ROR1: variants seen among roughly 807,000 people sequenced by gnomAD.
ROR1 encodes inactive tyrosine-protein kinase transmembrane receptor ROR1.
Under a neutral mutation model 78.8 loss-of-function variants are expected in ROR1, and 19 were observed. That is an observed-to-expected ratio of 0.24 (90% CI 0.17 to 0.35). The LOEUF is 0.35. ROR1 is among the 10% of genes least tolerant of loss of function. ROR1 has a pLI of 1.00. For synonymous variants in ROR1, 386 were observed against 433.6 expected (o/e 0.89, Z 1.36); for missense variants, 917 against 1,177.8 (o/e 0.78, Z 3.24).
At chr1:64,125,647 C>T (rs1307728361) in intron 4 of ROR1, among the ~76,000 whole-genome samples, 4 of 152,066 alleles carry the variant, frequency 2.6e-5, no homozygotes, top group African/African-American at 7.2e-5. Context: ...GCCTTGGACC[C>T]GCCAGCCCCG....
chr1:63,954,501 G>A (rs1356219216), intron 1 of ROR1, among the ~76,000 whole-genome samples: 2 of 152,220 alleles, frequency 1.3e-5, no homozygotes, highest in Non-Finnish European at 2.9e-5. Flanking sequence ...CATAAGCAGT[G>A]TTAAATAAAG....
At chr1:63,887,884 C>G (rs1439011357) in intron 1 of ROR1, among the ~76,000 whole-genome samples, 1 of 152,152 alleles carries the variant, frequency 6.6e-6, no homozygotes, top group Non-Finnish European at 1.5e-5. Flanking sequence ...CTCTTCTGAA[C>G]ATTTTACTTC....
intron 1 of ROR1, among the ~76,000 whole-genome samples, chr1:63,796,963 T>C (rs2100247912): frequency 6.6e-6 from 1 of 152,326 alleles, no homozygotes; most frequent in Admixed American, 6.5e-5. Context: ...TGAAAGTGCT[T>C]TGATGAATTG....
intron 1 of ROR1, among the ~76,000 whole-genome samples, chr1:63,989,687 T>C (rs1418834898): frequency 6.6e-6 from 1 of 152,210 alleles, no homozygotes; most frequent in Non-Finnish European, 1.5e-5. Flanking sequence ...CACTCTGGTT[T>C]CCTTCAACTG....
intron 8 of ROR1, among the ~76,000 whole-genome samples, chr1:64,160,001 G>T (rs1200580855): frequency 1.3e-5 from 2 of 151,936 alleles, no homozygotes; most frequent in Non-Finnish European, 2.9e-5. Context: ...ACAATCCCAG[G>T]CCTCTCAGCA....
At chr1:63,869,756 G>C (rs1194365126) in intron 1 of ROR1, among the ~76,000 whole-genome samples, 1 of 152,232 alleles carries the variant, frequency 6.6e-6, no homozygotes, top group African/African-American at 2.4e-5. Context: ...CACTTGTTGA[G>C]CTCCTGGTAG....
At chr1:63,843,572 G>A in intron 1 of ROR1, 1 of 725,444 alleles carries the variant, frequency 1.4e-6, no homozygotes, top group South Asian at 1.3e-5. Context: ...CCTCACTAAG[G>A]CAGAAGAGCA....
chr1:63,841,274 G>A (rs1248910649), intron 1 of ROR1, among the ~76,000 whole-genome samples: 3 of 152,190 alleles, frequency 2.0e-5, no homozygotes, highest in African/African-American at 7.2e-5. Flanking sequence ...CTAAATTCCG[G>A]TCTGGTGTAT....
chr1:63,943,088 G>A lies in ROR1; in HGVS notation c.92-66217G>A, dbSNP rs1234212108. Among the ~76,000 whole-genome samples the A allele has an allele frequency of 3.5e-5, 3 of 84,652 alleles. No individual in the cohort carries two copies. In the Admixed American group the frequency reaches 5.0e-4, roughly 14 times the overall value. 55.5% of individuals were successfully genotyped at this position (84,652 alleles called of 152,430 possible). ...AGCCTGAGCAACAGAGCAAAACCCT[G>A]TCTTTAAAAAAAAAAAAAAAAAAAA... On this transcript the variant is annotated intron_variant, in intron 1 of 8. Transcript: ENST00000371079.
At chr1:64,092,534 T>C (rs1647208355) in intron 4 of ROR1, among the ~76,000 whole-genome samples, 1 of 152,190 alleles carries the variant, frequency 6.6e-6, no homozygotes. Flanking sequence ...AGGGATGTTA[T>C]GGTAGAGAAG....
intron 2 of ROR1, among the ~76,000 whole-genome samples, chr1:64,024,641 C>T (rs559868589): frequency 6.6e-6 from 1 of 152,134 alleles, no homozygotes; most frequent in African/African-American, 2.4e-5. Flanking sequence ...CTTAAAGGGC[C>T]CAGGACAGTA....
chr1:64,127,071 G>C (rs555687383), intron 4 of ROR1, among the ~76,000 whole-genome samples: 1 of 152,264 alleles, frequency 6.6e-6, no homozygotes, highest in East Asian at 1.9e-4. Flanking sequence ...TTGTATCACT[G>C]TTAAGCACTT....
chr1:64,049,868 C>T lies in ROR1; in HGVS notation c.341C>T (p.Ser114Phe). The T allele has an allele frequency of 6.2e-7, 1 of 1,614,236 alleles. No individual in the cohort carries two copies. The highest frequency in any genetic ancestry group is 1.1e-5 in the South Asian group (1 of 91,084). Residue 114 changes from serine to phenylalanine, a missense_variant, in exon 3 of 9, where the codon TCT becomes TTT. By Grantham distance (155) the Ser-to-Phe change is radical. Coordinates refer to ENST00000371079, the MANE Select transcript of ROR1 (RefSeq NM_005012.4). ...TCCTTTCGGTCCACCATCTATGGCT[C>T]TCGGCTGCGGATTAGAAACCTCGAC... ...RLSFRSTIYG[S>F]RLRIRNLDTT...
chr1:64,158,149 A>G (rs1427892122), intron 7 of ROR1, among the ~76,000 whole-genome samples: 6 of 152,228 alleles, frequency 3.9e-5, no homozygotes. Flanking sequence ...CTCGTGTTCT[A>G]CACATATTAT....
At position 63,774,300 on chromosome 1, in the gene ROR1, C is replaced by A; in HGVS notation, c.-118C>A. The A allele has an allele frequency of 3.8e-6, 2 of 530,074 alleles. No individual in the cohort carries two copies. Among genetic ancestry groups the A allele is most frequent in the Non-Finnish European group, 5.9e-6 (2 of 341,350 alleles). 32.8% of individuals were successfully genotyped at this position (530,074 alleles called of 1,614,324 possible). ...GGGACAAAGAGCTTTGCAGACGTCC[C>A]CGGCGTCCTGCGAGCGCCAGCGGCC... is the stretch of plus-strand genomic sequence containing the variant. On this transcript the variant is annotated 5_prime_UTR_variant, in exon 1 of 9. Transcript: ENST00000371079. This position sits in a 1 kb window ranked among gnomAD's most constrained non-coding sequence, Gnocchi z 5.7.
At chr1:63,987,321 T>G (rs1421567893) in intron 1 of ROR1, among the ~76,000 whole-genome samples, 1 of 152,238 alleles carries the variant, frequency 6.6e-6, no homozygotes, top group Non-Finnish European at 1.5e-5. Flanking sequence ...TGTGAAATCT[T>G]CATGCCTGAC....
At chr1:63,950,851 G>T (rs946981293) in intron 1 of ROR1, among the ~76,000 whole-genome samples, 1 of 152,234 alleles carries the variant, frequency 6.6e-6, no homozygotes, top group African/African-American at 2.4e-5. Flanking sequence ...TGATACCACA[G>T]TGAAGGGAGC....
chr1:64,149,351 GT>G (rs1649559242), intron 7 of ROR1, among the ~76,000 whole-genome samples: 1 of 152,082 alleles, frequency 6.6e-6, no homozygotes, highest in Non-Finnish European at 1.5e-5. Flanking sequence ...AAACAATAGA[GT>G]CCTGATTATT....
intron 4 of ROR1, among the ~76,000 whole-genome samples, chr1:64,056,449 TG>T: frequency 6.6e-6 from 1 of 151,868 alleles, no homozygotes; most frequent in South Asian, 2.1e-4. Flanking sequence ...CCAAGGCGGG[TG>T]GATCACCTGA....
Sources: gnomAD v4.1 joint callset for allele counts (sites outside exome capture counted in the v4.1 genomes callset) on GRCh38, gnomAD v4.1.1 for gene constraint, Gnocchi (gnomAD v3.1) non-coding constraint, MANE v1.5 for transcripts, NCBI Gene and HGNC (gene_info 2026-07-23, HGNC 2026-07-21) for gene names.